The following RARB variants were observed in gnomAD, a reference collection of about 807,000 sequenced individuals.
RARB encodes retinoic acid receptor beta.
In RARB, 17 loss-of-function variants were observed where a neutral mutation model predicts 51.9. The observed-to-expected ratio is 0.33, with a 90% confidence interval of 0.22 to 0.49. RARB has a LOEUF of 0.49. Among genes scored for constraint, RARB ranks in the 20% least tolerant of loss-of-function variants. The probability of loss-of-function intolerance (pLI) is 0.99; values close to 1 mark genes in which losing one functional copy is unlikely to be tolerated. For synonymous variants in RARB, 215 were observed against 195.4 expected (o/e 1.10, Z -0.84); for missense variants, 369 against 550.8 (o/e 0.67, Z 3.30).
At chr3:25,161,930 A>T (rs1423267293) in intron 4 of RARB, among the ~76,000 whole-genome samples, 1 of 152,016 alleles carries the variant, frequency 6.6e-6, no homozygotes, top group Non-Finnish European at 1.5e-5. Flanking sequence ...TACCCATAGA[A>T]AGGCTAGACC....
At chr3:25,461,825 G>T (rs1398727782) in intron 2 of RARB, among the ~76,000 whole-genome samples, 2 of 152,202 alleles carry the variant, frequency 1.3e-5, no homozygotes, top group East Asian at 3.8e-4. Context: ...AAACTGGGAA[G>T]CAGCGGTTGC....
chr3:25,218,338 A>C lies in RARB; in HGVS notation c.178+43763A>C, dbSNP rs544033131. Among the ~76,000 whole-genome samples, 14 of 151,120 alleles carry C rather than the reference A, an allele frequency of 9.3e-5. No individual in the cohort carries two copies. The South Asian group carries it at 2.5e-3, about 27-fold the overall frequency. ...GTGTGCACACACATATCCGCCCCCT[A>C]GGTTACTTTTTTTGTTACTACCCAC... On this transcript the variant is annotated intron_variant, in intron 5 of 11. Coordinates refer to the RARB transcript ENST00000383772.
intron 2 of RARB, among the ~76,000 whole-genome samples, chr3:24,874,220 A>T (rs1369469057): frequency 1.3e-5 from 2 of 151,988 alleles, no homozygotes; most frequent in African/African-American, 2.4e-5. Context: ...GGTACTACTG[A>T]TTCTTTGAAA....
chr3:25,099,611 G>C (rs1194012800), intron 3 of RARB, among the ~76,000 whole-genome samples: 1 of 57,042 alleles, frequency 1.8e-5, no homozygotes, highest in Non-Finnish European at 3.1e-5. Flanking sequence ...GTATTTTCAG[G>C]ATTTAAAAAA....
intron 2 of RARB, among the ~76,000 whole-genome samples, chr3:24,947,570 G>T (rs1259912839): frequency 1.3e-5 from 2 of 152,106 alleles, no homozygotes; most frequent in African/African-American, 4.8e-5. Context: ...AGTTCCACGG[G>T]GATACATTTT....
chr3:25,191,421 T>C (rs1270277418), intron 5 of RARB, among the ~76,000 whole-genome samples: 1 of 152,060 alleles, frequency 6.6e-6, no homozygotes, highest in African/African-American at 2.4e-5. Context: ...TCCCATGAAA[T>C]TGTCCCGTGC....
At chr3:25,272,522 C>T (rs944196412) in intron 5 of RARB, among the ~76,000 whole-genome samples, 1 of 152,206 alleles carries the variant, frequency 6.6e-6, no homozygotes, top group East Asian at 1.9e-4. Context: ...ACTCAGGTAT[C>T]CCCTTAGGCA....
At chr3:25,018,837 T>C (rs1450930114) in intron 2 of RARB, among the ~76,000 whole-genome samples, 1 of 152,166 alleles carries the variant, frequency 6.6e-6, no homozygotes, top group Non-Finnish European at 1.5e-5. Flanking sequence ...TAGCAAACTT[T>C]CTGGGTGATG....
chr3:25,417,118 G>A (rs912895354), intron 5 of RARB, among the ~76,000 whole-genome samples: 6 of 151,666 alleles, frequency 4.0e-5, no homozygotes, highest in South Asian at 2.1e-4. Context: ...CTTAGAAGCC[G>A]CTGGTAATGT....
chr3:25,553,956 C>CCCCCT, intron 3 of RARB, among the ~76,000 whole-genome samples: 1 of 152,174 alleles, frequency 6.6e-6, no homozygotes, highest in East Asian at 1.9e-4. Flanking sequence ...ACTTCCCACT[C>CCCCCT]CCCCTCCCCA....
intron 5 of RARB, among the ~76,000 whole-genome samples, chr3:25,224,416 T>C (rs1702010271): frequency 6.6e-6 from 1 of 152,032 alleles, no homozygotes; most frequent in Non-Finnish European, 1.5e-5. Context: ...AACATACAAA[T>C]AAAGAACAAA....
At chr3:25,575,480 CA>C in intron 4 of RARB, among the ~76,000 whole-genome samples, 1 of 152,284 alleles carries the variant, frequency 6.6e-6, no homozygotes, top group South Asian at 2.1e-4. Flanking sequence ...GCTAGAAGTC[CA>C]AAATCAAGGT....
intron 5 of RARB, among the ~76,000 whole-genome samples, chr3:25,413,958 G>A (rs1348096105): frequency 1.3e-5 from 2 of 152,062 alleles, no homozygotes; most frequent in Non-Finnish European, 2.9e-5. Flanking sequence ...AAGTTTTGAT[G>A]CGCACGTATA....
chr3:25,576,746 C>A (rs1435151370), intron 4 of RARB, among the ~76,000 whole-genome samples: 1 of 152,010 alleles, frequency 6.6e-6, no homozygotes, highest in African/African-American at 2.4e-5. Context: ...CAGGCTGCAC[C>A]ATGCCTTTAA....
intron 2 of RARB, among the ~76,000 whole-genome samples, chr3:24,886,750 G>T (rs77130072): frequency 0.057 from 8,678 of 152,102 alleles, 386 homozygotes; most frequent in East Asian, 0.14. Context: ...GATGAAACTT[G>T]ATACTCCTAG....
rs988000907 is a variant in RARB, at chr3:25,388,054, G to A, written c.179-73139G>A. ...AACATAAGGCTAGGTGGAAGTTAAA[G>A]AAATGGAAATGCCACATTAACCTCT... On this transcript the variant is annotated intron_variant, in intron 5 of 11. Transcript: ENST00000383772. Among the ~76,000 whole-genome samples, 9 of 151,754 alleles carry A rather than the reference G, an allele frequency of 5.9e-5. No homozygotes were observed. In the South Asian group the frequency reaches 1.7e-3, roughly 28 times the overall value.
intron 5 of RARB, among the ~76,000 whole-genome samples, chr3:25,233,175 G>C (rs1021813379): frequency 6.6e-6 from 1 of 151,850 alleles, no homozygotes; most frequent in African/African-American, 2.4e-5. Flanking sequence ...TGGCCAGGCT[G>C]GTCTTGAGCT....
chr3:25,185,385 G>C (rs1446731301), intron 5 of RARB, among the ~76,000 whole-genome samples: 1 of 152,058 alleles, frequency 6.6e-6, no homozygotes, highest in South Asian at 2.1e-4. Context: ...GGGTCTGCAT[G>C]TCACTTTGTC....
intron 2 of RARB, among the ~76,000 whole-genome samples, chr3:25,051,733 G>A (rs1186824993): frequency 1.3e-5 from 2 of 152,118 alleles, no homozygotes; most frequent in African/African-American, 2.4e-5. Flanking sequence ...TGCAAGATAA[G>A]CTATCATAAG....
Sources: allele counts gnomAD v4.1 joint callset (sites outside exome capture counted in the v4.1 genomes callset), GRCh38; gene constraint gnomAD v4.1.1; transcripts MANE v1.5; gene names NCBI Gene and HGNC (gene_info 2026-07-23, HGNC 2026-07-21).